The following ITGA3 variants were observed in gnomAD, a reference collection of about 807,000 sequenced individuals.
ITGA3 encodes integrin alpha-3.
A neutral mutation model predicts 131.1 loss-of-function variants in ITGA3; 70 were observed. The observed-to-expected ratio is 0.53, with a 90% CI of 0.44 to 0.65. The LOEUF is 0.65. Among genes scored for constraint, ITGA3 ranks in the 30% least tolerant of loss-of-function variants. The probability of loss-of-function intolerance (pLI) is 0.00; values close to 1 mark genes in which losing one functional copy is unlikely to be tolerated. For missense variants in ITGA3, 1,098 were observed against 1,388.6 expected, an observed-to-expected ratio of 0.79 and a Z score of 3.33; for synonymous variants, 537 against 571.6, an observed-to-expected ratio of 0.94 and a Z score of 0.86.
rs1907854601 is a variant in ITGA3, at chr17:50,056,938, G to T, written c.206+293G>T. Among the ~76,000 whole-genome samples the T allele has an allele frequency of 6.6e-6, 1 of 152,328 alleles. No individual in the cohort carries two copies. The highest frequency in any genetic ancestry group is 1.5e-5 in the Non-Finnish European group (1 of 68,032). On this transcript the variant is annotated intron_variant, in intron 1 of 25. Coordinates refer to ENST00000320031, the MANE Select transcript of ITGA3 (RefSeq NM_002204.4). This position sits in a 1 kb window ranked among gnomAD's most constrained non-coding sequence, Gnocchi z 5.6. ...GTGGCTGAGTCCTCTCCCATTCTGT[G>T]AACCGAGTACCCAGCACTAGCCTGT...
intron 19 of ITGA3, 23 bp downstream of exon 19, chr17:50,078,949 G>A (rs778696213): frequency 6.5e-7 from 1 of 1,540,250 alleles, no homozygotes; most frequent in African/African-American, 1.4e-5. Context: ...CCAGAGTCCT[G>A]GGCTGGGGAC....
At chr17:50,059,534 T>A (rs560895129) in intron 1 of ITGA3, among the ~76,000 whole-genome samples, 1 of 152,254 alleles carries the variant, frequency 6.6e-6, no homozygotes, top group East Asian at 1.9e-4. Flanking sequence ...CTGGCAGCCT[T>A]CAAGGTTCGT....
chr17:50,076,950 T>C, intron 14 of ITGA3, 24 bp from the exon 15 acceptor site: 1 of 1,589,372 alleles, frequency 6.3e-7, no homozygotes, highest in Non-Finnish European at 8.6e-7. Context: ...GGCTCTTGGC[T>C]GAGTCCTGGG....
intron 18 of ITGA3, 141 bp from the exon 19 acceptor site, chr17:50,078,683 G>A: frequency 1.5e-6 from 1 of 656,020 alleles, no homozygotes; most frequent in Non-Finnish European, 2.7e-6. Context: ...AGTCCATAAA[G>A]CTTGTAAATG....
Position 50,068,283 on chromosome 17 carries a change from C to A in ITGA3, c.642C>A (p.Ala214=). Residue 214 remains alanine (A), a synonymous_variant, in exon 4 of 26, where the codon GCC becomes GCA. Coordinates refer to ENST00000320031, the MANE Select transcript of ITGA3 (RefSeq NM_002204.4). ...GFTQNTVYFG[A]PGAYNWKGNS... The stretch of plus-strand genomic sequence containing the variant: ...CCCAGAACACTGTGTACTTCGGCGC[C>A]CCCGGTGCCTACAACTGGAAAGGTG... 1 of 1,613,514 alleles carries A rather than the reference C, an allele frequency of 6.2e-7. No homozygotes were observed. The highest frequency in any genetic ancestry group is 8.5e-7 in the Non-Finnish European group (1 of 1,180,006).
At chr17:50,070,797 G>A (rs758927070) in intron 4 of ITGA3, 47 bp from the exon 5 acceptor site, 9 of 1,291,054 alleles carry the variant, frequency 7.0e-6, no homozygotes, top group African/African-American at 1.5e-5. Flanking sequence ...ACCAGAAACC[G>A]GTGGTGACTT....
In ITGA3 at chr17:50,056,409, T is replaced by C; in HGVS notation, c.-31T>C. 1 of 1,431,112 alleles carries C rather than the reference T, an allele frequency of 7.0e-7. No homozygotes were observed. Among genetic ancestry groups the C allele is most frequent in the Non-Finnish European group, 9.1e-7 (1 of 1,095,446 alleles). 88.7% of individuals were successfully genotyped at this position (1,431,112 alleles called of 1,614,324 possible). ...CGCCCAGCTCCGCGCCCTCACGCGC[T>C]CTCGCCGGGACCCCGCTTCCGCTGG... On this transcript the variant is annotated 5_prime_UTR_variant, in exon 1 of 26. Transcript: ENST00000320031. The surrounding 1 kb of genome is among the most constrained non-coding windows in gnomAD (Gnocchi z 5.6).
chr17:50,078,240 C>T lies in ITGA3; in HGVS notation c.2253C>T (p.Ile751=). The T allele has an allele frequency of 6.2e-7, 1 of 1,614,054 alleles. No individual in the cohort carries two copies. Among genetic ancestry groups the T allele is most frequent in the South Asian group, 1.1e-5 (1 of 91,064 alleles). ...SSHQDNLWPM[I]LTLLVDYTLQ... ...ACCAGGACAACCTGTGGCCCATGAT[C>T]CTCACTCTGCTGGTGGACTATACAC... is the stretch of plus-strand genomic sequence containing the variant. Residue 751 remains isoleucine (I), a synonymous_variant, in exon 18 of 26, where the codon ATC becomes ATT. Coordinates refer to ENST00000320031, the MANE Select transcript of ITGA3 (RefSeq NM_002204.4).
Position 50,080,411 on chromosome 17 carries a change from C to A in ITGA3, c.2820+36C>A, listed in dbSNP as rs1013281947. 2.3e-6 allele frequency: 3 copies of A among 1,317,128 alleles called. No homozygotes were observed. The African/African-American group carries it at 4.3e-5, about 19-fold the overall frequency. The allele number at this position is 1,317,128 out of a possible 1,614,324, so 81.6% of individuals were successfully genotyped here. A position where few individuals can be genotyped will look rare whatever the true frequency, so the allele number is the denominator to read the frequency against. On this transcript the variant is annotated intron_variant, in intron 22 of 25. Coordinates refer to ENST00000320031, the MANE Select transcript of ITGA3 (RefSeq NM_002204.4). Reference sequence around the variant, plus strand: ...GGGTCTGAAGGTCTCTCCTACCATCCACCCTGAGGGGGAGAACAACAGGGA... The same window carrying A: ...GGGTCTGAAGGTCTCTCCTACCATCAACCCTGAGGGGGAGAACAACAGGGA...
intron 23 of ITGA3, among the ~76,000 whole-genome samples, chr17:50,085,812 G>T (rs1370684586): frequency 6.6e-5 from 3 of 45,646 alleles, no homozygotes; most frequent in African/African-American, 1.5e-4. Flanking sequence ...ATACATTATA[G>T]ATTTATAATG....
Position 50,064,266 on chromosome 17 carries a change from G to A in ITGA3, c.334+62G>A, listed in dbSNP as rs1908226269. 1.9e-6 allele frequency: 3 copies of A among 1,552,132 alleles called. No homozygotes were observed. The Admixed American group carries it at 5.7e-5, about 29-fold the overall frequency. On this transcript the variant is annotated intron_variant, in intron 2 of 25. Coordinates refer to ENST00000320031, the MANE Select transcript of ITGA3 (RefSeq NM_002204.4). The surrounding 1 kb of genome is among the most constrained non-coding windows in gnomAD (Gnocchi z 4.4). ...AGGTCTGGCAGGGGGGTACCGCAGA[G>A]AGAATGGCCTGGAGGAGATAGAAGG...
chr17:50,057,853 C>T (rs1907904767), intron 1 of ITGA3, among the ~76,000 whole-genome samples: 1 of 152,208 alleles, frequency 6.6e-6, no homozygotes, highest in African/African-American at 2.4e-5. Context: ...GTTCTGCCCT[C>T]CTGACCCAGC....
chr17:50,060,896 A>G (rs887468310), intron 1 of ITGA3, among the ~76,000 whole-genome samples: 1 of 152,092 alleles, frequency 6.6e-6, no homozygotes, highest in African/African-American at 2.4e-5. Flanking sequence ...TTTGTGTACT[A>G]ATTTGCATTT....
chr17:50,070,769 C>A (rs1908587679), intron 4 of ITGA3, 75 bp from the exon 5 acceptor site: 2 of 897,202 alleles, frequency 2.2e-6, no homozygotes, highest in African/African-American at 1.7e-5. Context: ...TGGGGGTGGG[C>A]TGGACATGGT....
Position 50,087,772 on chromosome 17 carries a change from T to C in ITGA3, c.2948T>C (p.Val983Ala), listed in dbSNP as rs2144324155. The change falls in exon 24 of 26, where the codon GTG becomes GCG. Residue 983 changes from valine to alanine, a missense_variant. Physicochemically the swap from Val to Ala is moderately conservative, Grantham distance 64. Around this residue, in one of 3 missense-constraint regions of ITGA3, gnomAD observed 699 missense variants for 829.2 expected, o/e 0.84. Coordinates refer to ENST00000320031, the MANE Select transcript of ITGA3 (RefSeq NM_002204.4). ...WFSVDIDSEL[V>A]EELPAEIELW... The stretch of plus-strand genomic sequence containing the variant: ...TCTGTGGACATTGACTCGGAGCTGG[T>C]GGAGGAGCTGCCGGCCGAAATCGAG... 3.1e-6 allele frequency: 5 copies of C among 1,613,294 alleles called. No homozygotes were observed. Among genetic ancestry groups the C allele is most frequent in the Non-Finnish European group, 4.2e-6 (5 of 1,179,812 alleles).
At chr17:50,087,427 A>T (rs959821859) in intron 23 of ITGA3, 3 of 276,914 alleles carry the variant, frequency 1.1e-5, no homozygotes, top group Non-Finnish European at 2.0e-5. Context: ...GAGGGGTGCA[A>T]TTACTTGTCC....
At position 50,088,438 on chromosome 17, in the gene ITGA3, C is replaced by T. The variant is rs1019026401; in HGVS notation, c.*31+72C>T. 27 of 772,950 alleles carry T rather than the reference C, an allele frequency of 3.5e-5. No homozygotes were observed. The Admixed American group carries it at 4.2e-4, about 12-fold the overall frequency. The allele number at this position is 772,950 out of a possible 1,614,324, so 47.9% of individuals were successfully genotyped here. A position where few individuals can be genotyped will look rare whatever the true frequency, so the allele number is the denominator to read the frequency against. On this transcript the variant is annotated intron_variant, in intron 25 of 25. Transcript: ENST00000320031. The stretch of plus-strand genomic sequence containing the variant: ...GGCCTCTGACTCTGTCCTATCTGCT[C>T]CTCTTCCCTTATGGGCCTGCTCTGA...
Position 50,075,495 on chromosome 17 carries a change from T to C in ITGA3, c.1506T>C (p.Ser502=), listed in dbSNP as rs754926164. 2 of 1,613,966 alleles carry C rather than the reference T, an allele frequency of 1.2e-6. No individual in the cohort carries two copies. The highest frequency in any genetic ancestry group is 2.7e-5 in the African/African-American group (2 of 74,886). ...QVELCFAYNQ[S]AGNPNYRRNI... Reference sequence around the variant, plus strand: ...AGCTGTGCTTTGCTTACAACCAGAGTGCCGGGAACCCCAACTACAGGCGAA... The same window carrying C: ...AGCTGTGCTTTGCTTACAACCAGAGCGCCGGGAACCCCAACTACAGGCGAA... The change falls in exon 11 of 26, where the codon AGT becomes AGC. Residue 502 remains serine, a synonymous_variant. Transcript: ENST00000320031.
intron 22 of ITGA3, chr17:50,080,979 A>G (rs890356984): frequency 3.3e-6 from 1 of 303,926 alleles, no homozygotes; most frequent in Non-Finnish European, 6.2e-6. Context: ...AGCCATAGAC[A>G]AATGAATGGG....
Sources: allele counts gnomAD v4.1 joint callset (sites outside exome capture counted in the v4.1 genomes callset), GRCh38; gene constraint gnomAD v4.1.1; regional missense constraint gnomAD v4.1.1; non-coding constraint Gnocchi (gnomAD v3.1); transcripts MANE v1.5; gene names NCBI Gene and HGNC (gene_info 2026-07-23, HGNC 2026-07-21).